Variants in PGLYRP1 observed in about 807,000 individuals in gnomAD.
PGLYRP1 encodes TNF superfamily, member 3 (LTB)-like (peptidoglycan recognition protein).
In PGLYRP1, 18 loss-of-function variants were observed where a neutral mutation model predicts 16.3. The ratio of observed to expected loss-of-function variants is 1.11; its 90% CI spans 0.77 to 1.64. The LOEUF (loss-of-function observed/expected upper bound fraction) is 1.64. PGLYRP1 is among the 40% of genes most tolerant of loss of function. The pLI, the probability that PGLYRP1 is intolerant of heterozygous loss-of-function variation, is 0.00. For synonymous variants in PGLYRP1, 89 were observed against 105.7 expected, an observed-to-expected ratio of 0.84 and a Z score of 0.97; for missense variants, 261 against 268.6, an observed-to-expected ratio of 0.97 and a Z score of 0.20.
intron 1 of PGLYRP1, 90 bp downstream of exon 1, chr19:46,022,645 C>G: frequency 1.4e-6 from 2 of 1,472,994 alleles, no homozygotes; most frequent in Non-Finnish European, 1.9e-6. Context: ...GGCCTCAGCA[C>G]CAGGCCTAGA....
intron 1 of PGLYRP1, among the ~76,000 whole-genome samples, chr19:46,020,800 G>A (rs1169455965): frequency 6.6e-6 from 1 of 152,190 alleles, no homozygotes; most frequent in Non-Finnish European, 1.5e-5. Flanking sequence ...ACAGAATGTC[G>A]GAACTTCCGA....
chr19:46,019,323 C>T lies in PGLYRP1; in HGVS notation c.506G>A (p.Gly169Glu), dbSNP rs1205730833. The T allele has an allele frequency of 4.3e-6, 7 of 1,613,854 alleles. No homozygotes were observed. Among genetic ancestry groups the T allele is most frequent in the Non-Finnish European group, 5.9e-6 (7 of 1,179,946 alleles). The change falls in exon 3 of 3, where the codon GGA becomes GAA. Residue 169 changes from glycine to glutamate, a missense_variant. By Grantham distance (98) the Gly-to-Glu change is moderately conservative. Coordinates refer to ENST00000008938, the MANE Select transcript of PGLYRP1 (RefSeq NM_005091.3). The surrounding 1 kb of genome is among the most constrained non-coding windows in gnomAD (Gnocchi z 4.8). ...GALRSNYVLKGHRDVQRTLSP... is the reference protein window; with the variant it reads ...GALRSNYVLKEHRDVQRTLSP... ...GAGTGTACGCTGCACATCCCGGTGT[C>T]CTTTGAGCACATAGTTGGACCTCAG...
chr19:46,019,249 G>A lies in PGLYRP1; in HGVS notation c.580C>T (p.Arg194Cys), dbSNP rs201283140. Residue 194 changes from arginine to cysteine, a missense_variant, in exon 3 of 3, where the codon CGC (arginine) becomes TGC (cysteine). Arg to Cys is a radical substitution (Grantham distance 180). Transcript: ENST00000008938. The surrounding 1 kb of genome is among the most constrained non-coding windows in gnomAD (Gnocchi z 4.8). ...YHLIQNWPHYRSP is the reference protein window; with the variant it reads ...YHLIQNWPHYCSP ...GGATCAGCAGGGCCTCAGGGGGAGC[G>A]GTAGTGTGGCCAATTCTGGATGAGG... The A allele has an allele frequency of 6.6e-5, 106 of 1,613,762 alleles. No individual in the cohort carries two copies. The highest frequency in any genetic ancestry group is 1.3e-4 in the East Asian group (6 of 44,860).
At chr19:46,021,210 A>G (rs1175432808) in intron 1 of PGLYRP1, 1 of 152,182 alleles carries the variant, frequency 6.6e-6, no homozygotes, top group African/African-American at 2.4e-5. Flanking sequence ...GGTGATGTGG[A>G]CCCGAGGCTC....
intron 1 of PGLYRP1, among the ~76,000 whole-genome samples, chr19:46,022,212 G>A (rs1969051616): frequency 6.6e-6 from 1 of 152,232 alleles, no homozygotes; most frequent in African/African-American, 2.4e-5. Context: ...GGGCCCCCGT[G>A]TGCCAGGCAG....
Position 46,019,586 on chromosome 19 carries a change from G to A in PGLYRP1, c.349C>T (p.His117Tyr). ...ATGGGGTTCCATAAGTGACCTGAGT[G>A]GGCACCCGTGAAGTTCCAGCCACGG... is the stretch of plus-strand genomic sequence containing the variant. Reference protein sequence around the residue: ...EGRGWNFTGAHSGHLWNPMSI... With the variant: ...EGRGWNFTGAYSGHLWNPMSI... Residue 117 changes from histidine to tyrosine, a missense_variant, in exon 2 of 3, where the codon CAC (histidine) becomes TAC (tyrosine). Physicochemically the swap from His to Tyr is moderately conservative, Grantham distance 83 (BLOSUM62 2). Coordinates refer to ENST00000008938, the MANE Select transcript of PGLYRP1 (RefSeq NM_005091.3). This position sits in a 1 kb window ranked among gnomAD's most constrained non-coding sequence, Gnocchi z 4.8. The A allele has an allele frequency of 6.2e-7, 1 of 1,613,966 alleles. No individual in the cohort carries two copies.
In PGLYRP1 at chr19:46,023,015, G is replaced by A. The variant is rs771245601; in HGVS notation, c.7C>T (p.Arg3Cys). ...GCCCAGGCAAGCAGCATAGAGCGGC[G>A]GGACATAGTGGCAGGGCGGCAGGGT... The part of the protein sequence containing the change: MS[R>C]RSMLLAWALP... The change falls in exon 1 of 3, where the codon CGC becomes TGC. Residue 3 changes from arginine (R) to cysteine (C), a missense_variant. Arg to Cys is a radical substitution (Grantham distance 180). Transcript: ENST00000008938. 5.8e-6 allele frequency: 9 copies of A among 1,540,698 alleles called. No individual in the cohort carries two copies. Among genetic ancestry groups the A allele is most frequent in the South Asian group, 3.7e-5 (3 of 81,138 alleles).
At chr19:46,022,100 C>G (rs1302763863) in intron 1 of PGLYRP1, among the ~76,000 whole-genome samples, 1 of 152,246 alleles carries the variant, frequency 6.6e-6, no homozygotes, top group Non-Finnish European at 1.5e-5. Context: ...CCCTGCTGGT[C>G]TTTCAACCCC....
chr19:46,020,678 A>G (rs775902130), intron 1 of PGLYRP1, among the ~76,000 whole-genome samples: 1 of 152,226 alleles, frequency 6.6e-6, no homozygotes, highest in Non-Finnish European at 1.5e-5. Flanking sequence ...CATTCAGCAC[A>G]TCTGATTGAG....
rs377286202 is a variant in PGLYRP1 at position 46,019,476 on chromosome 19, C to G, written c.409+50G>C. ...GGCTTCCCCGAAGGGGAAGTGATAG[C>G]GTAGGGCCCCGTGTCAGCCCCCATC... On this transcript the variant is annotated intron_variant, in intron 2 of 2. Transcript: ENST00000008938. This position sits in a 1 kb window ranked among gnomAD's most constrained non-coding sequence, Gnocchi z 4.8. 69 of 1,612,294 alleles carry G rather than the reference C, an allele frequency of 4.3e-5. No homozygotes were observed. Among genetic ancestry groups the G allele is most frequent in the Non-Finnish European group, 5.4e-5 (64 of 1,179,018 alleles).
chr19:46,022,675 A>T (rs1356582645), intron 1 of PGLYRP1, 60 bp downstream of exon 1: 16 of 1,592,228 alleles, frequency 1.0e-5, no homozygotes, highest in Non-Finnish European at 1.3e-5. Context: ...GCTGGCGGGC[A>T]CTTGCACACC....
In PGLYRP1 at chr19:46,022,658, T is replaced by C. The variant is rs1390547977; in HGVS notation, c.287+77A>G. 16 of 1,546,424 alleles carry C rather than the reference T, an allele frequency of 1.0e-5. No individual in the cohort carries two copies. The African/African-American group carries it at 2.0e-4, about 20-fold the overall frequency. ...GTGGCCTCAGCACCAGGCCTAGAAA[T>C]GGTCCCGCTGGCGGGCACTTGCACA... On this transcript the variant is annotated intron_variant, in intron 1 of 2. Transcript: ENST00000008938.
At chr19:46,020,614 A>G (rs1018354613) in intron 1 of PGLYRP1, among the ~76,000 whole-genome samples, 1 of 152,184 alleles carries the variant, frequency 6.6e-6, no homozygotes, top group African/African-American at 2.4e-5. Flanking sequence ...CTGGAGCCCC[A>G]GCACCTGCCT....
intron 1 of PGLYRP1, among the ~76,000 whole-genome samples, chr19:46,022,218 G>A (rs1969051678): frequency 6.6e-6 from 1 of 152,220 alleles, no homozygotes; most frequent in African/African-American, 2.4e-5. Context: ...CCGTGTGCCA[G>A]GCAGTTCCTA....
chr19:46,019,475 G>A lies in PGLYRP1; in HGVS notation c.409+51C>T, dbSNP rs756314282. On this transcript the variant is annotated intron_variant, in intron 2 of 2. Coordinates refer to ENST00000008938, the MANE Select transcript of PGLYRP1 (RefSeq NM_005091.3). This position sits in a 1 kb window ranked among gnomAD's most constrained non-coding sequence, Gnocchi z 4.8. ...GGGCTTCCCCGAAGGGGAAGTGATAGCGTAGGGCCCCGTGTCAGCCCCCAT... is the reference window on the plus strand; with the variant it reads ...GGGCTTCCCCGAAGGGGAAGTGATAACGTAGGGCCCCGTGTCAGCCCCCAT... The A allele has an allele frequency of 3.3e-5, 54 of 1,612,582 alleles. No individual in the cohort carries two copies. The highest frequency in any genetic ancestry group is 4.5e-5 in the Non-Finnish European group (53 of 1,179,184).
chr19:46,020,661 G>A (rs922561656), intron 1 of PGLYRP1, among the ~76,000 whole-genome samples: 2 of 152,172 alleles, frequency 1.3e-5, no homozygotes, highest in African/African-American at 4.8e-5. Context: ...GATCCTTAAG[G>A]CTGATTCATT....
Position 46,019,324 on chromosome 19 carries a change from C to T in PGLYRP1, c.505G>A (p.Gly169Arg). 1 of 1,613,882 alleles carries T rather than the reference C, an allele frequency of 6.2e-7. No individual in the cohort carries two copies. Among genetic ancestry groups the T allele is most frequent in the Middle Eastern group, 1.7e-4 (1 of 6,060 alleles). ...GALRSNYVLK[G>R]HRDVQRTLSP... ...AGTGTACGCTGCACATCCCGGTGTC[C>T]TTTGAGCACATAGTTGGACCTCAGG... Residue 169 changes from glycine to arginine, a missense_variant, in exon 3 of 3, where the codon GGA becomes AGA. Gly to Arg is a moderately radical substitution (Grantham distance 125, BLOSUM62 -2). Transcript: ENST00000008938. This position sits in a 1 kb window ranked among gnomAD's most constrained non-coding sequence, Gnocchi z 4.8.
chr19:46,021,120 A>G (rs572049424), intron 1 of PGLYRP1: 1 of 152,378 alleles, frequency 6.6e-6, no homozygotes, highest in Admixed American at 6.5e-5. Context: ...GTGACGTGAC[A>G]TGGAAAGGGG....
In PGLYRP1 at chr19:46,022,734, C is replaced by T. The variant is rs1299256899; in HGVS notation, c.287+1G>A. 6.2e-7 allele frequency: 1 copy of T among 1,614,132 alleles called. No homozygotes were observed. Among genetic ancestry groups the T allele is most frequent in the Non-Finnish European group, 8.5e-7 (1 of 1,179,998 alleles). ...AGCCCGTGCCCCCCTGCCACACTCA[C>T]TTGTAGCCCACGTCGCACCAGCCCA... is the stretch of plus-strand genomic sequence containing the variant. On this transcript the variant is annotated splice_donor_variant, in intron 1 of 2. Coordinates refer to ENST00000008938, the MANE Select transcript of PGLYRP1 (RefSeq NM_005091.3). LOFTEE classifies it high-confidence loss of function.
Sources: allele counts gnomAD v4.1 joint callset (sites outside exome capture counted in the v4.1 genomes callset), GRCh38; gene constraint gnomAD v4.1.1; non-coding constraint Gnocchi (gnomAD v3.1); transcripts MANE v1.5; gene names NCBI Gene and HGNC (gene_info 2026-07-23, HGNC 2026-07-21).